Variants in RNF126 observed in about 807,000 individuals in gnomAD.
The protein encoded by RNF126 is ring finger protein 126, also known as E3 ubiquitin-protein ligase RNF126.
RNF126 carries 20 observed loss-of-function variants against 41.9 expected under a neutral mutation model. That is an observed-to-expected ratio of 0.48 (90% confidence interval 0.34 to 0.69). The LOEUF is 0.69. Among genes scored for constraint, RNF126 ranks in the 30% least tolerant of loss-of-function variants. The pLI is 0.01. For synonymous variants in RNF126, 239 were observed against 202.9 expected (o/e 1.18, Z -1.51); for missense variants, 433 against 460.6 (o/e 0.94, Z 0.55).
chr19:651,438 C>G (rs978674354), intron 4 of RNF126, 173 bp downstream of exon 4: 16 of 560,522 alleles, frequency 2.9e-5, no homozygotes, highest in Non-Finnish European at 4.2e-5. Flanking sequence ...ATACTTCTGT[C>G]TCCGAAGGGC....
intron 1 of RNF126, among the ~76,000 whole-genome samples, chr19:656,054 AC>A (rs1488261947): frequency 6.6e-6 from 1 of 151,648 alleles, no homozygotes; most frequent in Non-Finnish European, 1.5e-5. Context: ...ACGGGGAGTG[AC>A]GGCTGGCAGG....
chr19:651,943 A>G, intron 3 of RNF126, 88 bp from the exon 4 acceptor site: 1 of 1,279,900 alleles, frequency 7.8e-7, no homozygotes, highest in Non-Finnish European at 1.1e-6. Flanking sequence ...AGGAGAAAGC[A>G]AGACGGGCCC....
At position 647,798 on chromosome 19, in the gene RNF126, A is replaced by G. The variant is rs1600624719; in HGVS notation, c.*330T>C. 4.9e-6 allele frequency: 2 copies of G among 404,234 alleles called. No homozygotes were observed. Among genetic ancestry groups the G allele is most frequent in the Admixed American group, 3.4e-5 (1 of 29,476 alleles). The allele number at this position is 404,234 out of a possible 1,614,324, so 25.0% of individuals were successfully genotyped here. ...CCCCGTCTTCCGCCACAAACCATGC[A>G]TGGCCGCCACGTGAGCTCAAACGTC... On this transcript the variant is annotated 3_prime_UTR_variant, in exon 9 of 9. Transcript: ENST00000292363.
In RNF126 at chr19:652,646, G is replaced by A. The variant is rs574550719; in HGVS notation, c.134+180C>T. On this transcript the variant is annotated intron_variant, in intron 2 of 8. Transcript: ENST00000292363. Reference sequence around the variant, plus strand: ...CGGCACTCCCCTCTGGCCCCGGCCCGGCCATCACAGAAGAGAACGGCACGC... The same window carrying A: ...CGGCACTCCCCTCTGGCCCCGGCCCAGCCATCACAGAAGAGAACGGCACGC... 1,653 of 634,682 alleles carry A rather than the reference G, an allele frequency of 2.6e-3. 5 individuals are homozygous for A. Among genetic ancestry groups the A allele is most frequent in the Non-Finnish European group, 2.9e-3 (1,073 of 363,888 alleles). The allele number at this position is 634,682 out of a possible 1,614,324, so 39.3% of individuals were successfully genotyped here.
Position 648,732 on chromosome 19 carries a change from G to A in RNF126, c.670+150C>T, listed in dbSNP as rs1012230810. 6 of 643,362 alleles carry A rather than the reference G, an allele frequency of 9.3e-6. No individual in the cohort carries two copies. In the Admixed American group the frequency reaches 1.2e-4, roughly 13 times the overall value. 39.9% of individuals were successfully genotyped at this position (643,362 alleles called of 1,614,324 possible). A position where few individuals can be genotyped will look rare whatever the true frequency, so the allele number is the denominator to read the frequency against. ...GCCTGTCATCCCAGCACTTTGGGAG[G>A]CCGAGGCAGGAGGATCACCTGAGGT... On this transcript the variant is annotated intron_variant, in intron 7 of 8. Transcript: ENST00000292363.
chr19:655,263 G>C (rs77160140), intron 1 of RNF126, among the ~76,000 whole-genome samples: 1 of 151,700 alleles, frequency 6.6e-6, no homozygotes, highest in Non-Finnish European at 1.5e-5. Context: ...CCAGGAGATC[G>C]AGACCGCAGT....
At chr19:652,371 G>A in intron 2 of RNF126, 75 bp from the exon 3 acceptor site, 2 of 1,282,952 alleles carry the variant, frequency 1.6e-6, no homozygotes, top group Non-Finnish European at 2.1e-6. Flanking sequence ...CCCCTCAAAA[G>A]CCTATGTTGG....
Position 651,719 on chromosome 19 carries a change from C to A in RNF126, c.335G>T (p.Arg112Leu). The change falls in exon 4 of 9, where the codon CGG becomes CTG. Residue 112 changes from arginine (R) to leucine (L), a missense_variant. Physicochemically the swap from Arg to Leu is moderately radical, Grantham distance 102. This residue lies in a region of RNF126 where 247 missense variants were observed against 224.7 expected (regional missense o/e 1.10). Transcript: ENST00000292363. ...GTGCCGGGACGGATGGTCTCTCTCC[C>A]GCCGGCTCTCAGGGTCCCTGCCGTC... ...ADDGRDPESRRERDHPSRHRY... is the reference protein window; with the variant it reads ...ADDGRDPESRLERDHPSRHRY... 1 of 1,610,576 alleles carries A rather than the reference C, an allele frequency of 6.2e-7. No homozygotes were observed. Among genetic ancestry groups the A allele is most frequent in the African/African-American group, 1.3e-5 (1 of 74,996 alleles).
rs766462956 is a variant in RNF126 at position 652,219 on chromosome 19, G to A, written c.198+14C>T. The stretch of plus-strand genomic sequence containing the variant: ...GCTGACACGATCGGGAAGCACGAGG[G>A]GCGGGCGACTCACCTCCAACGGTGG... On this transcript the variant is annotated intron_variant, in intron 3 of 8. Transcript: ENST00000292363. The A allele has an allele frequency of 6.6e-7, 1 of 1,519,014 alleles. No individual in the cohort carries two copies. The highest frequency in any genetic ancestry group is 1.4e-5 in the African/African-American group (1 of 70,500). The allele number at this position is 1,519,014 out of a possible 1,614,324, so 94.1% of individuals were successfully genotyped here. A position where few individuals can be genotyped will look rare whatever the true frequency, so the allele number is the denominator to read the frequency against.
chr19:648,350 G>GGGGGGGGGGGGGGGGGGC, intron 8 of RNF126, 22 bp downstream of exon 8: 1 of 571,360 alleles, frequency 1.8e-6, no homozygotes, highest in Non-Finnish European at 2.9e-6. Flanking sequence ...GGGGTGGGGG[G>GGGGGGGGGGGGGGGGGGC]GCGGGTGGGC....
chr19:648,174 G>T lies in RNF126; in HGVS notation c.890C>A (p.Ser297Tyr). Residue 297 changes from serine to tyrosine, a missense_variant, in exon 9 of 9, where the codon TCC becomes TAC. By Grantham distance (144) the Ser-to-Tyr change is moderately radical. This residue lies in a region of RNF126 where 63 missense variants were observed against 47.9 expected (regional missense o/e 1.32). Coordinates refer to ENST00000292363, the MANE Select transcript of RNF126 (RefSeq NM_194460.3). The part of the protein sequence containing the change: ...GVSFSSSSSS[S>Y]SSSSPSNENA... ...CTCGTTGCTGGGCGAGCTGGAGGAG[G>T]ACGATGACGACGAGGAGGAGAAGCT... 6.2e-7 allele frequency: 1 copy of T among 1,606,426 alleles called. No homozygotes were observed. Among genetic ancestry groups the T allele is most frequent in the Non-Finnish European group, 8.5e-7 (1 of 1,175,390 alleles).
chr19:648,010 C>G lies in RNF126; in HGVS notation c.*118G>C. On this transcript the variant is annotated 3_prime_UTR_variant, in exon 9 of 9. Coordinates refer to ENST00000292363, the MANE Select transcript of RNF126 (RefSeq NM_194460.3). ...GGTCCTGCCCTGGAACAGGCGGGAC[C>G]TGCAGCGCTGACCAGCCAAGCGTGG... The G allele has an allele frequency of 8.0e-7, 1 of 1,244,104 alleles. No homozygotes were observed. The highest frequency in any genetic ancestry group is 1.1e-6 in the Non-Finnish European group (1 of 922,400). 77.1% of individuals were successfully genotyped at this position (1,244,104 alleles called of 1,614,324 possible).
intron 4 of RNF126, chr19:650,549 C>A: frequency 3.2e-6 from 1 of 316,500 alleles, no homozygotes. Context: ...TCCCAAGTAG[C>A]TGGGACCACA....
intron 4 of RNF126, 31 bp downstream of exon 4, chr19:651,580 G>A: frequency 2.2e-6 from 3 of 1,391,864 alleles, no homozygotes; most frequent in Non-Finnish European, 2.8e-6. Flanking sequence ...AAGGCGTGGG[G>A]CCCTCGCGGC....
At chr19:651,547 T>G (rs1331609256) in intron 4 of RNF126, 64 bp downstream of exon 4, 4 of 1,363,834 alleles carry the variant, frequency 2.9e-6, no homozygotes, top group Non-Finnish European at 3.8e-6. Context: ...TGCTGGATTC[T>G]AAGCGCCAGA....
intron 1 of RNF126, among the ~76,000 whole-genome samples, chr19:657,266 G>A (rs867086924): frequency 1.3e-5 from 2 of 152,306 alleles, no homozygotes; most frequent in African/African-American, 4.8e-5. Flanking sequence ...CTGGCACAGC[G>A]CTCGGCCGCT....
chr19:650,438 GC>G, intron 4 of RNF126, 142 bp from the exon 5 acceptor site: 2 of 710,524 alleles, frequency 2.8e-6, no homozygotes, highest in Non-Finnish European at 4.7e-6. Flanking sequence ...TTTACTATGA[GC>G]CAGGGTCTCA....
At chr19:655,852 A>G (rs1465278355) in intron 1 of RNF126, among the ~76,000 whole-genome samples, 4 of 152,164 alleles carry the variant, frequency 2.6e-5, no homozygotes, top group Non-Finnish European at 4.4e-5. Context: ...TCAACCATGG[A>G]AAGGGGCAAG....
Position 651,644 on chromosome 19 carries a change from G to A in RNF126, c.410C>T (p.Thr137Ile). The A allele has an allele frequency of 6.7e-7, 1 of 1,497,138 alleles. No homozygotes were observed. The highest frequency in any genetic ancestry group is 8.9e-7 in the Non-Finnish European group (1 of 1,124,604). 92.7% of individuals were successfully genotyped at this position (1,497,138 alleles called of 1,614,324 possible). The change falls in exon 4 of 9, where the codon ACC (threonine) becomes ATC (isoleucine). Residue 137 changes from threonine to isoleucine, a missense_variant. Transcript: ENST00000292363. ...PRARLTTRRA[T>I]GRHEGVPTLE... ...CGTGGGGACGCCTTCGTGCCGGCCG[G>A]TGGCCCGCCGCGTGGTGAGGCGGGC...
Sources: allele counts gnomAD v4.1 joint callset (sites outside exome capture counted in the v4.1 genomes callset), GRCh38; gene constraint gnomAD v4.1.1; regional missense constraint gnomAD v4.1.1; transcripts MANE v1.5; gene names NCBI Gene and HGNC (gene_info 2026-07-23, HGNC 2026-07-21).